Variants in ADAMTS13 observed in about 807,000 individuals in gnomAD.
ADAMTS13 encodes the protein ADAM metallopeptidase with thrombospondin type 1 motif 13, also known as A disintegrin and metalloproteinase with thrombospondin motifs 13.
Under a neutral mutation model 155.1 loss-of-function variants are expected in ADAMTS13, and 110 were observed. The ratio of observed to expected loss-of-function variants is 0.71; its 90% confidence interval spans 0.61 to 0.83. The LOEUF is 0.83. ADAMTS13 is among the 40% of genes least tolerant of loss of function. ADAMTS13 has a pLI of 0.00. For synonymous variants in ADAMTS13, 758 were observed against 756.4 expected, an observed-to-expected ratio of 1.00 and a Z score of -0.03; for missense variants, 1,707 against 1,891.7, an observed-to-expected ratio of 0.90 and a Z score of 1.81.
At chr9:133,429,104 C>T in intron 7 of ADAMTS13, among the ~76,000 whole-genome samples, 1 of 146,340 alleles carries the variant, frequency 6.8e-6, no homozygotes, top group Non-Finnish European at 1.5e-5. Context: ...AACCCCGCGC[C>T]CACAGCTCCG....
chr9:133,425,908 C>G lies in ADAMTS13; in HGVS notation c.415-30C>G. Reference sequence around the variant, plus strand: ...CAGCACCGTGCCTGGTTGGGGTGTCCTAAATGCAGGCTTTGCTGTGGGTCC... The same window carrying G: ...CAGCACCGTGCCTGGTTGGGGTGTCGTAAATGCAGGCTTTGCTGTGGGTCC... On this transcript the variant is annotated intron_variant, in intron 4 of 28. Transcript: ENST00000355699. The surrounding 1 kb of genome is among the most constrained non-coding windows in gnomAD (Gnocchi z 4.6). 1 of 1,612,602 alleles carries G rather than the reference C, an allele frequency of 6.2e-7. No individual in the cohort carries two copies. Among genetic ancestry groups the G allele is most frequent in the Non-Finnish European group, 8.5e-7 (1 of 1,179,960 alleles).
rs587749758 is a variant in ADAMTS13 at position 133,445,669 on chromosome 9, G to A, written c.2611-30G>A. 1 of 1,612,550 alleles carries A rather than the reference G, an allele frequency of 6.2e-7. No homozygotes were observed. Among genetic ancestry groups the A allele is most frequent in the East Asian group, 2.2e-5 (1 of 44,872 alleles). ...TCGCTGGGTCCTCAGAGGAGGCCCA[G>A]ACCCACCAGCTTGTTGCTATTCCCC... On this transcript the variant is annotated intron_variant, in intron 20 of 28. Transcript: ENST00000355699. The surrounding 1 kb of genome is among the most constrained non-coding windows in gnomAD (Gnocchi z 5.0).
rs1298764042 is a variant in ADAMTS13, at chr9:133,442,395, G to A, written c.1969-4G>A. 3 of 1,613,836 alleles carry A rather than the reference G, an allele frequency of 1.9e-6. No homozygotes were observed. Among genetic ancestry groups the A allele is most frequent in the East Asian group, 4.5e-5 (2 of 44,898 alleles). ...GGACAAGGCCTGAAGCTCTTTGTCTGCAGGTTTACAGGCGGTATGGCGAGG... is the reference window on the plus strand; with the variant it reads ...GGACAAGGCCTGAAGCTCTTTGTCTACAGGTTTACAGGCGGTATGGCGAGG... On this transcript the variant is annotated splice_polypyrimidine_tract_variant and splice_region_variant and intron_variant, in intron 16 of 28. Coordinates refer to ENST00000355699, the MANE Select transcript of ADAMTS13 (RefSeq NM_139027.6).
intron 14 of ADAMTS13, among the ~76,000 whole-genome samples, chr9:133,438,769 C>T (rs939587814): frequency 6.6e-6 from 1 of 152,010 alleles, no homozygotes; most frequent in African/African-American, 2.4e-5. Context: ...CAAAAATTAG[C>T]TGGGCATGAT....
Position 133,443,373 on chromosome 9 carries a change from C to T in ADAMTS13, c.2235-3C>T. The T allele has an allele frequency of 1.3e-6, 2 of 1,594,682 alleles. No homozygotes were observed. The highest frequency in any genetic ancestry group is 1.7e-6 in the Non-Finnish European group (2 of 1,176,524). On this transcript the variant is annotated splice_polypyrimidine_tract_variant and splice_region_variant and intron_variant, in intron 18 of 28. Transcript: ENST00000355699. ...GGTCCCGACGCTCTGTCTCCTTCCT[C>T]AGCTGGGCGGTGGGAGACTTCGGCC...
Position 133,458,023 on chromosome 9 carries a change from C to A in ADAMTS13, c.3838C>A (p.Arg1280=). Residue 1280 remains arginine, a synonymous_variant, in exon 28 of 29, where the codon CGG becomes AGG. Transcript: ENST00000355699. ...RLFINVAPHA[R]IAIHALATNM... ...CTTCATTAATGTGGCTCCGCACGCA[C>A]GGATTGCCATCCATGCCCTGGCCAC... is the stretch of plus-strand genomic sequence containing the variant. The A allele has an allele frequency of 6.2e-7, 1 of 1,613,456 alleles. No homozygotes were observed. Among genetic ancestry groups the A allele is most frequent in the South Asian group, 1.1e-5 (1 of 91,090 alleles).
At chr9:133,442,949 C>T (rs1483222674) in intron 18 of ADAMTS13, among the ~76,000 whole-genome samples, 2 of 152,238 alleles carry the variant, frequency 1.3e-5, no homozygotes, top group Non-Finnish European at 2.9e-5. Flanking sequence ...AGGCTTGGGG[C>T]AGACATGGTG....
In ADAMTS13 at chr9:133,443,423, G is replaced by T. The variant is rs1554791497; in HGVS notation, c.2282G>T (p.Gly761Val). 6.3e-7 allele frequency: 1 copy of T among 1,596,652 alleles called. No homozygotes were observed. ...FGPCSASCGG[G>V]LRERPVRCVE... ...CCATGCAGCGCCTCCTGTGGGGGTG[G>T]CCTGCGGGAGCGGCCAGTGCGCTGC... Residue 761 changes from glycine (G) to valine (V), a missense_variant, in exon 19 of 29, where the codon GGC (glycine) becomes GTC (valine). Physicochemically the swap from Gly to Val is moderately radical, Grantham distance 109. Transcript: ENST00000355699.
At chr9:133,449,743 C>T (rs1554793777) in intron 22 of ADAMTS13, 40 bp from the exon 23 acceptor site, 1 of 1,611,900 alleles carries the variant, frequency 6.2e-7, no homozygotes, top group Non-Finnish European at 8.5e-7. Flanking sequence ...GTTCCCAGGC[C>T]CTGGGGCTGT....
chr9:133,423,309 A>T, intron 2 of ADAMTS13, 142 bp downstream of exon 2: 1 of 778,292 alleles, frequency 1.3e-6, no homozygotes, highest in East Asian at 2.5e-5. Flanking sequence ...CTGTTAATTA[A>T]CTCTGTTACT....
Position 133,433,436 on chromosome 9 carries a change from A to T in ADAMTS13, c.1151A>T (p.His384Leu), listed in dbSNP as rs1554788093. Residue 384 changes from histidine (H) to leucine (L), a missense_variant, in exon 10 of 29, where the codon CAT (histidine) becomes CTT (leucine). This residue lies in a region of ADAMTS13 where 733 missense variants were observed against 749.6 expected (regional missense o/e 0.98). Coordinates refer to ENST00000355699, the MANE Select transcript of ADAMTS13 (RefSeq NM_139027.6). ...GAGCTGACCCCCATAGCAGCAGTGC[A>T]TGGGCGCTGGTCTAGCTGGGGTCCC... ...LVELTPIAAV[H>L]GRWSSWGPRS... The T allele has an allele frequency of 6.2e-7, 1 of 1,613,310 alleles. No homozygotes were observed. The highest frequency in any genetic ancestry group is 1.3e-5 in the African/African-American group (1 of 74,870).
rs150990250 is a variant in ADAMTS13, at chr9:133,446,913, A to G, written c.2731+1094A>G. 3.4e-4 allele frequency among the ~76,000 whole-genome samples: 52 copies of G among 152,224 alleles called. 1 individual carries two copies. Among genetic ancestry groups the G allele is most frequent in the African/African-American group, 1.1e-3 (47 of 41,532 alleles). ...CATTCTGTTGCCGAGGCTGGAGTGC[A>G]GTGGCATGATCTTGGCTCATTGTAA... is the stretch of plus-strand genomic sequence containing the variant. On this transcript the variant is annotated intron_variant, in intron 21 of 28. Transcript: ENST00000355699.
upstream of ADAMTS13, among the ~76,000 whole-genome samples, chr9:133,421,556 T>A (rs991123436): frequency 1.3e-5 from 2 of 152,256 alleles, no homozygotes; most frequent in African/African-American, 2.4e-5. Flanking sequence ...GAGGCTGCTG[T>A]CTGCCTGGCT....
At chr9:133,423,271 G>T in intron 2 of ADAMTS13, 104 bp downstream of exon 2, 1 of 1,040,140 alleles carries the variant, frequency 9.6e-7, no homozygotes, top group Non-Finnish European at 1.5e-6. Flanking sequence ...GATCTGGAAG[G>T]AGAAGGTCAG....
chr9:133,425,788 C>T lies in ADAMTS13; in HGVS notation c.415-150C>T. On this transcript the variant is annotated intron_variant, in intron 4 of 28. Transcript: ENST00000355699. The surrounding 1 kb of genome is among the most constrained non-coding windows in gnomAD (Gnocchi z 4.6). ...CTACCCAGCACTCAGCACAGGCTGC[C>T]TGACTACTTCTCTGAGCCTCAGTTG... The T allele has an allele frequency of 6.9e-7, 1 of 1,456,984 alleles. No homozygotes were observed. Among genetic ancestry groups the T allele is most frequent in the Non-Finnish European group, 9.3e-7 (1 of 1,072,010 alleles). The allele number at this position is 1,456,984 out of a possible 1,614,324, so 90.3% of individuals were successfully genotyped here. A position where few individuals can be genotyped will look rare whatever the true frequency, so the allele number is the denominator to read the frequency against.
chr9:133,415,386 C>T (rs1839519986), intron 1 of ADAMTS13, among the ~76,000 whole-genome samples: 1 of 151,908 alleles, frequency 6.6e-6, no homozygotes, highest in Non-Finnish European at 1.5e-5. Context: ...ACAGCTTGGG[C>T]CAACATCCTG....
chr9:133,452,645 C>T (rs117164445), intron 23 of ADAMTS13, among the ~76,000 whole-genome samples: 2,301 of 152,252 alleles, frequency 0.015, 36 homozygotes, highest in Middle Eastern at 0.024. Flanking sequence ...TAGCCCTGTT[C>T]TCTACAGACC....
Position 133,454,497 on chromosome 9 carries a change from G to C in ADAMTS13, c.3127G>C (p.Asp1043His), listed in dbSNP as rs370081995. ...ACGCTCGGTGGCCTGTGTGCAGCTC[G>C]ACCAAGGCCAGGACGTGGAGGTGGA... is the stretch of plus-strand genomic sequence containing the variant. The part of the protein sequence containing the change: ...ARRSVACVQL[D>H]QGQDVEVDEA... Residue 1043 changes from aspartate (D) to histidine (H), a missense_variant, in exon 24 of 29, where the codon GAC becomes CAC. By Grantham distance (81) the Asp-to-His change is moderately conservative (BLOSUM62 -1). Coordinates refer to ENST00000355699, the MANE Select transcript of ADAMTS13 (RefSeq NM_139027.6). 10 of 1,612,670 alleles carry C rather than the reference G, an allele frequency of 6.2e-6. No individual in the cohort carries two copies. The highest frequency in any genetic ancestry group is 5.3e-5 in the African/African-American group (4 of 74,930).
chr9:133,448,793 C>T, intron 22 of ADAMTS13, 65 bp downstream of exon 22: 1 of 1,570,480 alleles, frequency 6.4e-7, no homozygotes, highest in Non-Finnish European at 8.6e-7. Context: ...CGAGCCTTGG[C>T]TCCATGCCCG....
Sources: gnomAD v4.1 joint callset for allele counts (sites outside exome capture counted in the v4.1 genomes callset) on GRCh38, gnomAD v4.1.1 for gene constraint, gnomAD v4.1.1 regional missense constraint, Gnocchi (gnomAD v3.1) non-coding constraint, MANE v1.5 for transcripts, NCBI Gene and HGNC (gene_info 2026-07-23, HGNC 2026-07-21) for gene names.